Variants in SPAG16 observed in about 807,000 individuals in gnomAD.
SPAG16 encodes the protein sperm-associated antigen 16 protein.
SPAG16 carries 86 observed loss-of-function variants against 80.4 expected under a neutral mutation model. The ratio of observed to expected loss-of-function variants is 1.07; its 90% CI spans 0.90 to 1.28. SPAG16 has a LOEUF of 1.28. SPAG16 is among the 50% of genes most tolerant of loss of function. SPAG16 has a pLI of 0.00. For missense variants in SPAG16, 870 were observed against 765.3 expected (o/e 1.14, Z -1.61); for synonymous variants, 294 against 265.9 (o/e 1.11, Z -1.03).
At chr2:214,080,038 A>G (rs1004785474) in intron 13 of SPAG16, among the ~76,000 whole-genome samples, 3 of 152,176 alleles carry the variant, frequency 2.0e-5, no homozygotes, top group African/African-American at 7.2e-5. Flanking sequence ...AGACAAACCT[A>G]ACAGAAATAT....
intron 15 of SPAG16, among the ~76,000 whole-genome samples, chr2:214,372,461 A>T (rs1699883675): frequency 2.4e-5 from 2 of 82,142 alleles, no homozygotes; most frequent in Non-Finnish European, 6.8e-5. Flanking sequence ...GCTTGAGGGA[A>T]AACAGAATAA....
intron 10 of SPAG16, among the ~76,000 whole-genome samples, chr2:213,742,565 T>TA (rs1249554244): frequency 1.5e-4 from 22 of 151,142 alleles, no homozygotes; most frequent in Non-Finnish European, 2.1e-4. Context: ...TTTTTTTTTT[T>TA]TTTTGAGACG....
intron 15 of SPAG16, among the ~76,000 whole-genome samples, chr2:214,366,109 G>T (rs960568748): frequency 1.3e-5 from 2 of 151,786 alleles, no homozygotes; most frequent in South Asian, 2.1e-4. Flanking sequence ...TTCCCAAGTA[G>T]CTGGGACTAC....
chr2:213,292,679 A>ACAACAACAAC (rs1559377369), intron 1 of SPAG16, among the ~76,000 whole-genome samples: 6 of 113,426 alleles, frequency 5.3e-5, no homozygotes, highest in African/African-American at 1.9e-4. Flanking sequence ...AAAAAAACAA[A>ACAACAACAAC]AAAAACAAAA....
intron 14 of SPAG16, among the ~76,000 whole-genome samples, chr2:214,140,603 T>C (rs1314621561): frequency 6.6e-6 from 1 of 152,070 alleles, no homozygotes; most frequent in Admixed American, 6.6e-5. Flanking sequence ...ACTTTTAAAA[T>C]ATTTTAAAAC....
chr2:214,003,568 T>C (rs1000950702), intron 12 of SPAG16, among the ~76,000 whole-genome samples: 5 of 152,184 alleles, frequency 3.3e-5, no homozygotes, highest in African/African-American at 9.6e-5. Context: ...TTATAAGTGT[T>C]GTTAGTTCTT....
intron 10 of SPAG16, among the ~76,000 whole-genome samples, chr2:213,573,102 A>ACGGTG: frequency 6.6e-6 from 1 of 152,216 alleles, no homozygotes; most frequent in East Asian, 1.9e-4. Context: ...TGGCTCACGC[A>ACGGTG]CGGTGCGCGC....
At position 213,718,149 on chromosome 2, in the gene SPAG16, C is replaced by CAAAAA. The variant is rs71063769; in HGVS notation, c.1071-144320_1071-144316dup. 1.3e-4 allele frequency among the ~76,000 whole-genome samples: 12 copies of CAAAAA among 92,172 alleles called. 1 individual carries two copies. Among genetic ancestry groups the CAAAAA allele is most frequent in the South Asian group, 3.9e-4 (1 of 2,542 alleles). 60.5% of individuals were successfully genotyped at this position (92,172 alleles called of 152,430 possible). ...TCTACAAAGAACTTAAACAAGTTTA[C>CAAAAA]AAAAAAAAAAAAAAAAAAAAGAAAA... is the stretch of plus-strand genomic sequence containing the variant. On this transcript the variant is annotated intron_variant, in intron 10 of 15. Coordinates refer to ENST00000331683, the MANE Select transcript of SPAG16 (RefSeq NM_024532.5).
Position 213,364,161 on chromosome 2 carries a change from G to T in SPAG16, c.832+16G>T. 6.9e-7 allele frequency: 1 copy of T among 1,441,524 alleles called. No homozygotes were observed. The highest frequency in any genetic ancestry group is 1.5e-5 in the South Asian group (1 of 67,446). The allele number at this position is 1,441,524 out of a possible 1,614,324, so 89.3% of individuals were successfully genotyped here. A position where few individuals can be genotyped will look rare whatever the true frequency, so the allele number is the denominator to read the frequency against. On this transcript the variant is annotated intron_variant, in intron 8 of 15. Coordinates refer to ENST00000331683, the MANE Select transcript of SPAG16 (RefSeq NM_024532.5). ...CAAATTAAAGGTAAATGTAAAATGT[G>T]ATGAAGCTCTCATTTAATATAGTTT...
chr2:214,149,637 A>C (rs1423259555), intron 15 of SPAG16, among the ~76,000 whole-genome samples: 1 of 152,108 alleles, frequency 6.6e-6, no homozygotes, highest in African/African-American at 2.4e-5. Context: ...AAGTTTAGCA[A>C]AAATGAACCT....
chr2:214,212,160 G>A (rs2058311699), intron 15 of SPAG16, among the ~76,000 whole-genome samples: 1 of 151,814 alleles, frequency 6.6e-6, no homozygotes. Context: ...AGACATACTT[G>A]GTTTACCCCT....
chr2:213,395,708 T>G (rs534834391), intron 9 of SPAG16, among the ~76,000 whole-genome samples: 71 of 152,336 alleles, frequency 4.7e-4, no homozygotes, highest in African/African-American at 1.7e-3. Context: ...GTTTCCACCT[T>G]TCAGAGTTCC....
At chr2:214,222,079 A>AATG (rs2058585651) in intron 15 of SPAG16, among the ~76,000 whole-genome samples, 1 of 150,430 alleles carries the variant, frequency 6.6e-6, no homozygotes, top group African/African-American at 2.4e-5. Flanking sequence ...AAGACATTAA[A>AATG]ATGTGTTGAG....
At chr2:213,902,756 G>T (rs1202626889) in intron 11 of SPAG16, among the ~76,000 whole-genome samples, 1 of 152,194 alleles carries the variant, frequency 6.6e-6, no homozygotes, top group South Asian at 2.1e-4. Context: ...TAACCCAAAA[G>T]TCCACAGTCC....
At chr2:214,216,408 G>A (rs566214785) in intron 15 of SPAG16, among the ~76,000 whole-genome samples, 6 of 152,160 alleles carry the variant, frequency 3.9e-5, no homozygotes, top group African/African-American at 7.2e-5. Context: ...TGCAACCTCC[G>A]CCTGCCAGGA....
At chr2:213,476,180 A>C (rs972149970) in intron 9 of SPAG16, among the ~76,000 whole-genome samples, 3 of 152,254 alleles carry the variant, frequency 2.0e-5, no homozygotes, top group African/African-American at 7.2e-5. Context: ...TTGTATATAA[A>C]GAAGGGATAG....
intron 9 of SPAG16, among the ~76,000 whole-genome samples, chr2:213,468,386 G>GAT (rs772576031): frequency 0.013 from 1,744 of 135,652 alleles, 20 homozygotes; most frequent in South Asian, 0.033. Context: ...TATATATATA[G>GAT]ATATATATAT....
At chr2:214,225,509 T>G (rs1175890357) in intron 15 of SPAG16, among the ~76,000 whole-genome samples, 4 of 152,148 alleles carry the variant, frequency 2.6e-5, no homozygotes, top group Admixed American at 2.6e-4. Context: ...AATATCAATA[T>G]GTAAAATATT....
At chr2:213,872,779 A>G (rs1046288592) in intron 11 of SPAG16, among the ~76,000 whole-genome samples, 2 of 152,098 alleles carry the variant, frequency 1.3e-5, no homozygotes, top group African/African-American at 4.8e-5. Flanking sequence ...CTAGTCGAAT[A>G]TGTTGATCAT....
Sources: gnomAD v4.1 joint callset for allele counts (sites outside exome capture counted in the v4.1 genomes callset) on GRCh38, gnomAD v4.1.1 for gene constraint, MANE v1.5 for transcripts, NCBI Gene and HGNC (gene_info 2026-07-23, HGNC 2026-07-21) for gene names.